CDH4: variants seen among roughly 807,000 people sequenced by gnomAD.
The protein encoded by CDH4 is cadherin 4, also known as cadherin-4.
CDH4 carries 33 observed loss-of-function variants against 86.0 expected under a neutral mutation model. That is an observed-to-expected ratio of 0.38 (90% CI 0.29 to 0.51). CDH4 has a LOEUF of 0.51. CDH4 is among the 20% of genes least tolerant of loss of function. The pLI, the probability that CDH4 is intolerant of heterozygous loss-of-function variation, is 0.86. For missense variants in CDH4, 1,114 were observed against 1,307.4 expected (o/e 0.85, Z 2.28); for synonymous variants, 555 against 549.4 (o/e 1.01, Z -0.14).
chr20:61,626,752 C>T (rs1214176497), intron 2 of CDH4, among the ~76,000 whole-genome samples: 1 of 152,164 alleles, frequency 6.6e-6, no homozygotes, highest in Admixed American at 6.5e-5. Context: ...AACTTGTCAC[C>T]TCCACCTATA....
chr20:61,824,811 C>T (rs565374252), intron 4 of CDH4, among the ~76,000 whole-genome samples: 6 of 152,246 alleles, frequency 3.9e-5, no homozygotes, highest in African/African-American at 7.2e-5. Context: ...ATAATAATAC[C>T]GGGCCATGTG....
intron 5 of CDH4, among the ~76,000 whole-genome samples, chr20:61,847,531 CAAACATGCCGTGT>C (rs1320056569): frequency 2.0e-5 from 3 of 152,126 alleles, no homozygotes; most frequent in Admixed American, 6.5e-5. Context: ...CCATGCCGTG[CAAACATGCCGTGT>C]AAACATGCGG....
intron 2 of CDH4, among the ~76,000 whole-genome samples, chr20:61,513,259 G>T (rs1348576342): frequency 1.3e-5 from 2 of 152,246 alleles, no homozygotes; most frequent in Admixed American, 6.5e-5. Context: ...AGGCCCACGG[G>T]CTGTGATGCC....
At chr20:61,526,604 C>T (rs909513989) in intron 2 of CDH4, among the ~76,000 whole-genome samples, 2 of 149,738 alleles carry the variant, frequency 1.3e-5, no homozygotes, top group Non-Finnish European at 1.5e-5. Context: ...CCCACTAACT[C>T]GTCATCTAGC....
chr20:61,469,018 A>G (rs2085488232), intron 2 of CDH4, among the ~76,000 whole-genome samples: 1 of 152,210 alleles, frequency 6.6e-6, no homozygotes. Flanking sequence ...TACAAGAAAC[A>G]TGGTAGCAAA....
intron 2 of CDH4, among the ~76,000 whole-genome samples, chr20:61,730,939 G>C (rs1240649629): frequency 6.8e-6 from 1 of 146,204 alleles, no homozygotes; most frequent in Non-Finnish European, 1.5e-5. Context: ...GGTATCCAGG[G>C]GCTCCGGCTC....
intron 2 of CDH4, among the ~76,000 whole-genome samples, chr20:61,479,734 A>T (rs2145577471): frequency 6.6e-6 from 1 of 152,072 alleles, no homozygotes; most frequent in East Asian, 1.9e-4. Context: ...GGATCTTTGG[A>T]TCTGTAGTTC....
intron 4 of CDH4, among the ~76,000 whole-genome samples, chr20:61,803,126 C>T (rs1245086377): frequency 2.0e-5 from 3 of 152,208 alleles, no homozygotes; most frequent in South Asian, 2.1e-4. Context: ...CGCGGCGAGT[C>T]GCAGCTCCGT....
intron 4 of CDH4, among the ~76,000 whole-genome samples, chr20:61,808,147 A>G (rs1246453072): frequency 1.3e-5 from 2 of 151,886 alleles, no homozygotes; most frequent in African/African-American, 4.8e-5. Flanking sequence ...AGCCTGGGGA[A>G]GGCTGCGGGG....
At position 61,709,202 on chromosome 20, in the gene CDH4, C is replaced by T. The variant is rs2087864248; in HGVS notation, c.170-34361C>T. ...TGCAAGCAAATGCAGGAAACTGGGG[C>T]CAGGCTGGGCCACTGTCAGGGGTTT... is the stretch of plus-strand genomic sequence containing the variant. On this transcript the variant is annotated intron_variant, in intron 2 of 15. Coordinates refer to ENST00000614565, the MANE Select transcript of CDH4 (RefSeq NM_001794.5). This position sits in a 1 kb window ranked among gnomAD's most constrained non-coding sequence, Gnocchi z 4.8. Among the ~76,000 whole-genome samples, 1 of 152,232 alleles carries T rather than the reference C, an allele frequency of 6.6e-6. No individual in the cohort carries two copies. Among genetic ancestry groups the T allele is most frequent in the African/African-American group, 2.4e-5 (1 of 41,474 alleles).
At chr20:61,418,998 C>G (rs117633168) in intron 2 of CDH4, among the ~76,000 whole-genome samples, 1 of 152,192 alleles carries the variant, frequency 6.6e-6, no homozygotes, top group Non-Finnish European at 1.5e-5. Context: ...TTAGGACCTA[C>G]CCTCATCCAG....
intron 2 of CDH4, among the ~76,000 whole-genome samples, chr20:61,535,806 T>TG (rs1249223727): frequency 6.6e-6 from 1 of 152,110 alleles, no homozygotes; most frequent in Admixed American, 6.5e-5. Flanking sequence ...GGGGAGAGTG[T>TG]GGGGGCCCTT....
chr20:61,832,309 C>A (rs1981661147), intron 4 of CDH4, among the ~76,000 whole-genome samples: 1 of 152,238 alleles, frequency 6.6e-6, no homozygotes, highest in South Asian at 2.1e-4. Flanking sequence ...CCCTGTGCTG[C>A]AGTTTCCTCA....
rs529663816 is a variant in CDH4 at position 61,502,517 on chromosome 20, A to G, written c.170-241046A>G. On this transcript the variant is annotated intron_variant, in intron 2 of 15. Transcript: ENST00000614565. ...GAGATTATTTTTCCAGCTCATTGAA[A>G]GAGGAGTTACAGATGCAACATTGTC... Among the ~76,000 whole-genome samples, 152 of 152,326 alleles carry G rather than the reference A, an allele frequency of 1.0e-3. 1 individual carries two copies. The highest frequency in any genetic ancestry group is 2.0e-3 in the Non-Finnish European group (135 of 68,026).
intron 5 of CDH4, among the ~76,000 whole-genome samples, chr20:61,845,311 G>C (rs992230600): frequency 2.0e-5 from 3 of 152,212 alleles, no homozygotes; most frequent in Non-Finnish European, 4.4e-5. Context: ...GACGTCTCTC[G>C]CGGCAGAAAG....
chr20:61,765,482 G>A (rs1354804517), intron 3 of CDH4, among the ~76,000 whole-genome samples: 4 of 152,228 alleles, frequency 2.6e-5, no homozygotes, highest in Non-Finnish European at 5.9e-5. Flanking sequence ...AGCCACAGTT[G>A]TGGGGCTCAC....
chr20:61,600,646 C>A (rs539483750), intron 2 of CDH4, among the ~76,000 whole-genome samples: 5 of 152,322 alleles, frequency 3.3e-5, no homozygotes, highest in African/African-American at 1.2e-4. Context: ...GGCCCGCCCC[C>A]AGGGGTATTA....
intron 2 of CDH4, among the ~76,000 whole-genome samples, chr20:61,678,671 G>T (rs546047465): frequency 1.3e-5 from 2 of 152,278 alleles, no homozygotes; most frequent in East Asian, 3.9e-4. Flanking sequence ...GTGTGGGCAG[G>T]GCTAGCTCCC....
intron 2 of CDH4, among the ~76,000 whole-genome samples, chr20:61,347,528 G>A (rs6071593): frequency 0.06 from 9,068 of 152,250 alleles, 315 homozygotes; most frequent in Non-Finnish European, 0.073. Context: ...ATGACAGATC[G>A]CAGAAGGAAT....
Sources: gnomAD v4.1 joint callset for allele counts (sites outside exome capture counted in the v4.1 genomes callset) on GRCh38, gnomAD v4.1.1 for gene constraint, Gnocchi (gnomAD v3.1) non-coding constraint, MANE v1.5 for transcripts, NCBI Gene and HGNC (gene_info 2026-07-23, HGNC 2026-07-21) for gene names.